The following PRUNE2 variants were observed in gnomAD, a reference collection of about 807,000 sequenced individuals.
The protein encoded by PRUNE2 is protein prune homolog 2.
A neutral mutation model predicts 252.0 loss-of-function variants in PRUNE2; 164 were observed. The ratio of observed to expected loss-of-function variants is 0.65; its 90% CI spans 0.57 to 0.74. The LOEUF (loss-of-function observed/expected upper bound fraction) is 0.74. Among genes scored for constraint, PRUNE2 ranks in the 30% least tolerant of loss-of-function variants. The pLI, the probability that PRUNE2 is intolerant of heterozygous loss-of-function variation, is 0.00. For synonymous variants in PRUNE2, 1,292 were observed against 1,350.2 expected (o/e 0.96, Z 0.94); for missense variants, 3,495 against 3,711.0 (o/e 0.94, Z 1.51).
chr9:76,660,541 T>G (rs1003395609), intron 9 of PRUNE2, among the ~76,000 whole-genome samples: 7 of 151,916 alleles, frequency 4.6e-5, no homozygotes, highest in African/African-American at 1.7e-4. Flanking sequence ...CCCAACACTT[T>G]GGGAGGCCGA....
chr9:76,750,642 A>G (rs2050528037), intron 6 of PRUNE2, among the ~76,000 whole-genome samples: 1 of 152,190 alleles, frequency 6.6e-6, no homozygotes, highest in South Asian at 2.1e-4. Flanking sequence ...CCTCATTTGC[A>G]CAAGAGTCCA....
chr9:76,663,266 T>C (rs1332760713), intron 9 of PRUNE2, among the ~76,000 whole-genome samples: 1 of 152,218 alleles, frequency 6.6e-6, no homozygotes. Flanking sequence ...TGGGCCTCTC[T>C]CATCCTAGAA....
rs190644795 is a variant in PRUNE2 at position 76,732,146 on chromosome 9, C to T, written c.757-18425G>A. ...TGGCTAACATGGTGAAACCCTGTCT[C>T]TACTAAAAATACAAAAAATTAGCCG... On this transcript the variant is annotated intron_variant, in intron 6 of 18. Coordinates refer to ENST00000376718, the MANE Select transcript of PRUNE2 (RefSeq NM_015225.3). 4.7e-3 allele frequency among the ~76,000 whole-genome samples: 719 copies of T among 152,162 alleles called. 6 individuals are homozygous for T. The highest frequency in any genetic ancestry group is 5.6e-3 in the Non-Finnish European group (381 of 68,010).
At chr9:76,685,947 T>C (rs1238513168) in intron 9 of PRUNE2, among the ~76,000 whole-genome samples, 2 of 152,162 alleles carry the variant, frequency 1.3e-5, no homozygotes, top group Non-Finnish European at 2.9e-5. Context: ...AAACCTAAGT[T>C]AGGCCCCTTG....
intron 6 of PRUNE2, chr9:76,817,882 A>G (rs1201876013): frequency 1.3e-5 from 2 of 152,168 alleles, no homozygotes; most frequent in East Asian, 3.9e-4. Flanking sequence ...AGCAAGGAAG[A>G]GTTTACAGAC....
intron 4 of PRUNE2, among the ~76,000 whole-genome samples, chr9:76,827,254 C>T (rs910125789): frequency 3.3e-5 from 5 of 152,148 alleles, no homozygotes; most frequent in Admixed American, 1.3e-4. Context: ...GCTAACCTGA[C>T]GTCCATTTCT....
chr9:76,715,543 A>G (rs2047075715), intron 6 of PRUNE2, among the ~76,000 whole-genome samples: 2 of 152,232 alleles, frequency 1.3e-5, no homozygotes, highest in Admixed American at 6.5e-5. Flanking sequence ...GCTGATGAAC[A>G]TCAAGGATCT....
chr9:76,744,454 C>A (rs2049929110), intron 6 of PRUNE2, among the ~76,000 whole-genome samples: 1 of 152,094 alleles, frequency 6.6e-6, no homozygotes, highest in African/African-American at 2.4e-5. Context: ...AAGGGCGGGG[C>A]TGTCTACTTC....
Position 76,707,554 on chromosome 9 carries a change from C to T in PRUNE2, c.4720G>A (p.Gly1574Ser), listed in dbSNP as rs927044695. The stretch of plus-strand genomic sequence containing the variant: ...TGGTGATTCTGTTCACTCCAGTTGC[C>T]TTGGTTTTCTTCTTGATACCCAGAA... ...PSSGYQEENQGNWSEQNHQES... is the reference protein window; with the variant it reads ...PSSGYQEENQSNWSEQNHQES... The change falls in exon 8 of 19, where the codon GGC becomes AGC. Residue 1574 changes from glycine to serine, a missense_variant. Physicochemically the swap from Gly to Ser is moderately conservative, Grantham distance 56. Coordinates refer to ENST00000376718, the MANE Select transcript of PRUNE2 (RefSeq NM_015225.3). The T allele has an allele frequency of 1.2e-6, 2 of 1,613,918 alleles. No individual in the cohort carries two copies. The highest frequency in any genetic ancestry group is 1.7e-5 in the Admixed American group (1 of 60,014).
chr9:76,658,797 G>A (rs1344547244), intron 9 of PRUNE2, among the ~76,000 whole-genome samples: 2 of 152,212 alleles, frequency 1.3e-5, no homozygotes, highest in African/African-American at 4.8e-5. Context: ...CTGCTTCATG[G>A]TTTCTTTGCT....
chr9:76,614,507 A>G lies in PRUNE2; in HGVS notation c.*63T>C. On this transcript the variant is annotated 3_prime_UTR_variant, in exon 19 of 19. Coordinates refer to ENST00000376718, the MANE Select transcript of PRUNE2 (RefSeq NM_015225.3). The stretch of plus-strand genomic sequence containing the variant: ...AGGTAACATCAGCCCTGTCTCTTTC[A>G]GGTAGATATGTTTCAACAGAACCAT... The G allele has an allele frequency of 7.4e-7, 1 of 1,349,936 alleles. No homozygotes were observed. The highest frequency in any genetic ancestry group is 1.1e-6 in the Non-Finnish European group (1 of 941,134). The allele number at this position is 1,349,936 out of a possible 1,614,324, so 83.6% of individuals were successfully genotyped here.
intron 6 of PRUNE2, among the ~76,000 whole-genome samples, chr9:76,757,573 G>A (rs1408974296): frequency 6.6e-6 from 1 of 152,200 alleles, no homozygotes; most frequent in Non-Finnish European, 1.5e-5. Flanking sequence ...CACTGCCAGA[G>A]TGAAGGGCTC....
chr9:76,812,400 T>A (rs2057412834), intron 6 of PRUNE2, among the ~76,000 whole-genome samples: 1 of 152,212 alleles, frequency 6.6e-6, no homozygotes, highest in South Asian at 2.1e-4. Context: ...GGTTAACTAT[T>A]GGAATACAAT....
chr9:76,669,036 A>G (rs565276612), intron 9 of PRUNE2, among the ~76,000 whole-genome samples: 2 of 151,722 alleles, frequency 1.3e-5, no homozygotes, highest in African/African-American at 4.8e-5. Context: ...TAAAGACACC[A>G]ATCCTACTGG....
At position 76,710,019 on chromosome 9, in the gene PRUNE2, T is replaced by C. The variant is rs765241049; in HGVS notation, c.2255A>G (p.Asn752Ser). 1 of 1,613,818 alleles carries C rather than the reference T, an allele frequency of 6.2e-7. No individual in the cohort carries two copies. Among genetic ancestry groups the C allele is most frequent in the South Asian group, 1.1e-5 (1 of 91,046 alleles). The change falls in exon 8 of 19, where the codon AAT becomes AGT. Residue 752 changes from asparagine to serine, a missense_variant. Asn to Ser is a conservative substitution (Grantham distance 46). Coordinates refer to ENST00000376718, the MANE Select transcript of PRUNE2 (RefSeq NM_015225.3). Reference sequence around the variant, plus strand: ...GTGGTTTGTTCCTTGGGGAGATGTATTTGGCAAAGGTGACTTCTCCATGGG... The same window carrying C: ...GTGGTTTGTTCCTTGGGGAGATGTACTTGGCAAAGGTGACTTCTCCATGGG... ...NLPMEKSPLP[N>S]TSPQGTNHLI...
chr9:76,665,008 A>G (rs1338506868), intron 9 of PRUNE2, among the ~76,000 whole-genome samples: 1 of 152,092 alleles, frequency 6.6e-6, no homozygotes, highest in Non-Finnish European at 1.5e-5. Flanking sequence ...CATTCTCACT[A>G]CAAAAGCCTT....
chr9:76,716,824 C>T (rs758669830), intron 6 of PRUNE2, among the ~76,000 whole-genome samples: 4 of 151,950 alleles, frequency 2.6e-5, no homozygotes, highest in African/African-American at 9.7e-5. Context: ...CCCAACCCCC[C>T]AACAGGCCCC....
In PRUNE2 at chr9:76,652,662, A is replaced by C. The variant is rs1230000845; in HGVS notation, c.8378T>G (p.Leu2793Arg). ...MRPEPPNSLD[L>R]NDTHPRRIKL... is the part of the protein sequence containing the mutation. ...GATTCTCCGAGGATGAGTGTCATTA[A>C]GATCCAGAGAATTAGGAGGTTCTAA... The change falls in exon 11 of 19, where the codon CTT becomes CGT. Residue 2793 changes from leucine to arginine, a missense_variant. Transcript: ENST00000376718. The C allele has an allele frequency of 1.2e-6, 2 of 1,611,752 alleles. No homozygotes were observed. The highest frequency in any genetic ancestry group is 4.5e-5 in the East Asian group (2 of 44,842).
rs1364259335 is a variant in PRUNE2 at position 76,757,516 on chromosome 9, T to C, written c.757-43795A>G. Among the ~76,000 whole-genome samples, 3 of 152,202 alleles carry C rather than the reference T, an allele frequency of 2.0e-5. No homozygotes were observed. The East Asian group carries it at 5.8e-4, about 29-fold the overall frequency. ...AAACTAAAGCATCTATAAACCATTC[T>C]AAGTTTTTCTGCTTGAGATGACTAA... On this transcript the variant is annotated intron_variant, in intron 6 of 18. Transcript: ENST00000376718.
Sources: allele counts gnomAD v4.1 joint callset (sites outside exome capture counted in the v4.1 genomes callset), GRCh38; gene constraint gnomAD v4.1.1; transcripts MANE v1.5; gene names NCBI Gene and HGNC (gene_info 2026-07-23, HGNC 2026-07-21).